The following ZBBX variants were observed in gnomAD, a reference collection of about 807,000 sequenced individuals.
ZBBX encodes zinc finger B-box domain-containing protein 1.
ZBBX carries 101 observed loss-of-function variants against 108.5 expected under a neutral mutation model. That is an observed-to-expected ratio of 0.93 (90% CI 0.79 to 1.10). The LOEUF (loss-of-function observed/expected upper bound fraction) is 1.10, where lower values mean the gene tolerates loss of function less well. Ranked by LOEUF, ZBBX falls within the 50% of genes least tolerant of loss-of-function variation. The probability of loss-of-function intolerance (pLI) is 0.00; values close to 1 mark genes in which losing one functional copy is unlikely to be tolerated. For missense variants in ZBBX, 1,009 were observed against 941.4 expected (o/e 1.07, Z -0.94); for synonymous variants, 356 against 323.4 (o/e 1.10, Z -1.08).
chr3:167,216,778 A>T, the ZBBX span, among the ~76,000 whole-genome samples: 3 of 152,214 alleles, frequency 2.0e-5, no homozygotes. Context: ...ACAGGGATAT[A>T]GACCAACGGA....
At chr3:167,280,438 G>C (rs1232613995) in intron 20 of ZBBX, among the ~76,000 whole-genome samples, 22 of 150,816 alleles carry the variant, frequency 1.5e-4, no homozygotes, top group African/African-American at 4.4e-4. Flanking sequence ...CAAAAAGTGG[G>C]TGAAGGACAT....
At chr3:167,200,121 A>T in the ZBBX span, among the ~76,000 whole-genome samples, 1 of 152,014 alleles carries the variant, frequency 6.6e-6, no homozygotes, top group Non-Finnish European at 1.5e-5. Context: ...ATGAAATTTA[A>T]GTCCTACTCT....
At chr3:167,241,611 G>A (rs1298933366) in intron 21 of ZBBX, among the ~76,000 whole-genome samples, 12 of 152,176 alleles carry the variant, frequency 7.9e-5, no homozygotes, top group Non-Finnish European at 1.8e-4. Flanking sequence ...TCCAGGCTGA[G>A]TGCAGTGGCC....
intron 19 of ZBBX, among the ~76,000 whole-genome samples, chr3:167,287,766 C>A (rs927970689): frequency 1.3e-5 from 2 of 151,936 alleles, no homozygotes; most frequent in Admixed American, 6.6e-5. Flanking sequence ...AAGTTGCTGT[C>A]GACTTTGATG....
chr3:167,352,276 C>T (rs917574127), intron 8 of ZBBX, among the ~76,000 whole-genome samples: 5 of 151,826 alleles, frequency 3.3e-5, no homozygotes, highest in African/African-American at 7.3e-5. Context: ...GATTCAAATA[C>T]GCACAATAAG....
At chr3:167,193,214 A>G in the ZBBX span, among the ~76,000 whole-genome samples, 1 of 152,166 alleles carries the variant, frequency 6.6e-6, no homozygotes, top group South Asian at 2.1e-4. Flanking sequence ...GGCACCTTAA[A>G]CCCAGATTTG....
At chr3:167,272,845 G>A (rs766085788) in intron 20 of ZBBX, among the ~76,000 whole-genome samples, 4 of 152,138 alleles carry the variant, frequency 2.6e-5, no homozygotes, top group Non-Finnish European at 4.4e-5. Flanking sequence ...GTGGAAAACC[G>A]AATATCAAGG....
chr3:167,368,320 C>A, intron 5 of ZBBX, 141 bp downstream of exon 5: 1 of 600,204 alleles, frequency 1.7e-6, no homozygotes, highest in South Asian at 2.4e-5. Flanking sequence ...AAATAGAAGG[C>A]CTTTGCTATT....
chr3:167,317,146 A>G, intron 13 of ZBBX, 41 bp from the exon 14 acceptor site: 1 of 1,297,624 alleles, frequency 7.7e-7, no homozygotes, highest in African/African-American at 1.5e-5. Flanking sequence ...CAAAGAATAT[A>G]TCTTACTTTA....
At chr3:167,406,017 T>C (rs1748573487) in intron 1 of ZBBX, among the ~76,000 whole-genome samples, 1 of 152,100 alleles carries the variant, frequency 6.6e-6, no homozygotes. Flanking sequence ...AGTGAGCCGA[T>C]AGTGCCATTG....
At chr3:167,215,964 T>C in the ZBBX span, among the ~76,000 whole-genome samples, 2 of 152,184 alleles carry the variant, frequency 1.3e-5, no homozygotes, top group African/African-American at 4.8e-5. Flanking sequence ...AAACTAGGTA[T>C]TGAAGAAACA....
At chr3:167,305,971 C>A in intron 16 of ZBBX, 21 bp from the exon 17 acceptor site, 1 of 1,466,060 alleles carries the variant, frequency 6.8e-7, no homozygotes, top group Non-Finnish European at 9.1e-7. Context: ...CACACAGTTA[C>A]AAAAGGTACA....
chr3:167,240,772 AC>A lies in ZBBX; in HGVS notation c.*20del, dbSNP rs1560010186. On this transcript the variant is annotated 3_prime_UTR_variant, in exon 22 of 22. Transcript: ENST00000675490. ...GCTTTACTCTGGGTACAAAATGGAA[AC>A]AGTAATGAACAAATAATCTTTAAGT... 6.2e-7 allele frequency: 1 copy of A among 1,607,782 alleles called. No homozygotes were observed. Among genetic ancestry groups the A allele is most frequent in the East Asian group, 2.2e-5 (1 of 44,666 alleles).
chr3:167,407,541 A>G (rs1003554613), intron 1 of ZBBX, among the ~76,000 whole-genome samples: 1 of 152,174 alleles, frequency 6.6e-6, no homozygotes, highest in Non-Finnish European at 1.5e-5. Context: ...TGGAAGCATT[A>G]CCAATAACAA....
chr3:167,269,859 A>G (rs956715691), intron 20 of ZBBX, among the ~76,000 whole-genome samples: 1 of 152,176 alleles, frequency 6.6e-6, no homozygotes, highest in African/African-American at 2.4e-5. Flanking sequence ...AACAGACTCA[A>G]AGCATGCTTT....
chr3:167,272,068 A>G (rs1312079783), intron 20 of ZBBX, among the ~76,000 whole-genome samples: 3 of 152,214 alleles, frequency 2.0e-5, no homozygotes, highest in African/African-American at 7.2e-5. Flanking sequence ...GAAAGGATGA[A>G]TCAAACTTTA....
At chr3:167,227,300 A>C in the ZBBX span, among the ~76,000 whole-genome samples, 3 of 151,770 alleles carry the variant, frequency 2.0e-5, no homozygotes, top group Non-Finnish European at 4.4e-5. Context: ...AGAAGCATCC[A>C]GATACCCCAT....
intron 19 of ZBBX, 144 bp downstream of exon 19, chr3:167,288,723 C>T (rs929590912): frequency 9.2e-6 from 4 of 434,786 alleles, no homozygotes; most frequent in African/African-American, 2.0e-5. Flanking sequence ...GAAGAAAAGT[C>T]GAGGACATTT....
At chr3:167,212,445 G>A in the ZBBX span, among the ~76,000 whole-genome samples, 1 of 152,044 alleles carries the variant, frequency 6.6e-6, no homozygotes, top group Non-Finnish European at 1.5e-5. Flanking sequence ...TGCCATCCTG[G>A]GACTAATGAA....
Sources: allele counts gnomAD v4.1 joint callset (sites outside exome capture counted in the v4.1 genomes callset), GRCh38; gene constraint gnomAD v4.1.1; transcripts MANE v1.5; gene names NCBI Gene and HGNC (gene_info 2026-07-23, HGNC 2026-07-21).